Variants in TYW1 observed in about 807,000 individuals in gnomAD.
TYW1 encodes the protein S-adenosyl-L-methionine-dependent tRNA 4-demethylwyosine synthase TYW1.
A neutral mutation model predicts 96.2 loss-of-function variants in TYW1; 46 were observed. The observed-to-expected ratio is 0.48, with a 90% CI of 0.38 to 0.61. The LOEUF is 0.61. TYW1 is among the 20% of genes least tolerant of loss of function. The pLI is 0.00. For missense variants in TYW1, 684 were observed against 909.6 expected (o/e 0.75, Z 3.19); for synonymous variants, 274 against 323.0 (o/e 0.85, Z 1.63).
intron 13 of TYW1, among the ~76,000 whole-genome samples, chr7:67,140,676 C>T (rs1798421714): frequency 6.6e-6 from 1 of 152,134 alleles, no homozygotes; most frequent in Non-Finnish European, 1.5e-5. Flanking sequence ...GCTTCAGCCT[C>T]ATCTTTGAAG....
At chr7:67,118,385 A>G (rs1797660812) in intron 13 of TYW1, among the ~76,000 whole-genome samples, 1 of 152,030 alleles carries the variant, frequency 6.6e-6, no homozygotes, top group African/African-American at 2.4e-5. Flanking sequence ...CATAATCTAC[A>G]CTTATCTTCC....
At chr7:67,214,386 A>G (rs1405238972) in intron 15 of TYW1, among the ~76,000 whole-genome samples, 2 of 152,090 alleles carry the variant, frequency 1.3e-5, no homozygotes, top group Non-Finnish European at 2.9e-5. Context: ...TAGTTCCTAG[A>G]GGGCTTTGTT....
At chr7:67,193,855 T>TGA (rs1489901004) in intron 14 of TYW1, among the ~76,000 whole-genome samples, 9 of 149,604 alleles carry the variant, frequency 6.0e-5, no homozygotes, top group Non-Finnish European at 1.3e-4. Context: ...TGTGTGTTTG[T>TGA]GTGTGTGTGT....
intron 8 of TYW1, among the ~76,000 whole-genome samples, chr7:67,052,634 A>T (rs1411309363): frequency 6.6e-6 from 1 of 152,112 alleles, no homozygotes; most frequent in African/African-American, 2.4e-5. Context: ...TTTTTCCCTC[A>T]TTCGTCATGT....
chr7:67,101,061 T>C (rs1262663009), intron 12 of TYW1, among the ~76,000 whole-genome samples: 1 of 152,110 alleles, frequency 6.6e-6, no homozygotes, highest in Non-Finnish European at 1.5e-5. Flanking sequence ...GTTGTGCTTA[T>C]GTGGGAGGGA....
intron 13 of TYW1, among the ~76,000 whole-genome samples, chr7:67,158,592 C>T (rs148950351): frequency 2.0e-4 from 30 of 150,940 alleles, no homozygotes; most frequent in African/African-American, 3.2e-4. Flanking sequence ...TTTCTGGAGA[C>T]GGAGTCTTGC....
chr7:67,007,708 C>T (rs1399705611), intron 3 of TYW1, among the ~76,000 whole-genome samples: 1 of 152,068 alleles, frequency 6.6e-6, no homozygotes, highest in African/African-American at 2.4e-5. Flanking sequence ...GATCTCGGCT[C>T]ACTGCAACCT....
In TYW1 at chr7:67,117,530, C is replaced by T. The variant is rs750619047; in HGVS notation, c.1610C>T (p.Thr537Ile). ...CTGTATGTCAGTGTGGATGCCAGTACCAAAGACAGCCTGAAGAAAATCGAC... is the reference window on the plus strand; with the variant it reads ...CTGTATGTCAGTGTGGATGCCAGTATCAAAGACAGCCTGAAGAAAATCGAC... ...TQLYVSVDASTKDSLKKIDRP... is the reference protein window; with the variant it reads ...TQLYVSVDASIKDSLKKIDRP... Residue 537 changes from threonine to isoleucine, a missense_variant, in exon 13 of 16, where the codon ACC becomes ATC. Transcript: ENST00000359626. The T allele has an allele frequency of 2.5e-6, 4 of 1,613,970 alleles. No individual in the cohort carries two copies. The highest frequency in any genetic ancestry group is 1.1e-5 in the South Asian group (1 of 91,072).
chr7:67,180,388 A>T (rs1183660190), intron 13 of TYW1, among the ~76,000 whole-genome samples: 2 of 111,992 alleles, frequency 1.8e-5, no homozygotes, highest in African/African-American at 4.0e-5. Flanking sequence ...CTGTTGGTTT[A>T]TATATATATA....
At chr7:67,070,913 C>T (rs995625567) in intron 10 of TYW1, among the ~76,000 whole-genome samples, 7 of 151,968 alleles carry the variant, frequency 4.6e-5, no homozygotes, top group Admixed American at 3.9e-4. Context: ...GGGCAGCTCA[C>T]GAGATCAGGA....
intron 13 of TYW1, among the ~76,000 whole-genome samples, chr7:67,124,155 C>T (rs1292946011): frequency 4.6e-5 from 7 of 152,304 alleles, no homozygotes; most frequent in Admixed American, 6.5e-5. Context: ...TACTATACTG[C>T]ATTACATCTT....
chr7:67,053,142 T>C (rs1024544310), intron 8 of TYW1, among the ~76,000 whole-genome samples: 2 of 151,672 alleles, frequency 1.3e-5, no homozygotes, highest in Non-Finnish European at 2.9e-5. Context: ...ATATGAGCTT[T>C]ATATCTTACT....
chr7:67,057,400 CGTT>C (rs1277186637), intron 9 of TYW1, among the ~76,000 whole-genome samples: 7 of 150,700 alleles, frequency 4.6e-5, no homozygotes, highest in South Asian at 2.1e-4. Context: ...GACAGAGTCT[CGTT>C]GTCTCACCCA....
At chr7:67,059,727 G>C (rs967644584) in intron 9 of TYW1, among the ~76,000 whole-genome samples, 10 of 151,050 alleles carry the variant, frequency 6.6e-5, no homozygotes, top group African/African-American at 2.4e-4. Context: ...TTTTGATCAA[G>C]ATCTTTCTCA....
At chr7:67,102,512 G>A (rs1797115571) in intron 12 of TYW1, among the ~76,000 whole-genome samples, 1 of 152,204 alleles carries the variant, frequency 6.6e-6, no homozygotes. Context: ...AAAGGAGGAA[G>A]TAAGGTGGCA....
intron 9 of TYW1, among the ~76,000 whole-genome samples, chr7:67,064,930 A>G (rs1456225959): frequency 1.3e-5 from 2 of 152,256 alleles, no homozygotes; most frequent in Non-Finnish European, 2.9e-5. Flanking sequence ...CACCTTATAT[A>G]AAAATTAATT....
intron 13 of TYW1, among the ~76,000 whole-genome samples, chr7:67,155,797 G>A (rs972941452): frequency 2.0e-5 from 3 of 152,116 alleles, no homozygotes; most frequent in Admixed American, 2.0e-4. Flanking sequence ...CATCGTTCTT[G>A]TGTCCTTATC....
At chr7:67,130,793 T>G (rs1798049236) in intron 13 of TYW1, among the ~76,000 whole-genome samples, 1 of 152,232 alleles carries the variant, frequency 6.6e-6, no homozygotes, top group South Asian at 2.1e-4. Flanking sequence ...TTGGCAGCCT[T>G]CCCTAACTCC....
intron 11 of TYW1, among the ~76,000 whole-genome samples, chr7:67,087,134 GT>G (rs1031839257): frequency 2.0e-5 from 3 of 152,164 alleles, no homozygotes; most frequent in African/African-American, 7.2e-5. Flanking sequence ...TGACAGGAGC[GT>G]TTTTGCAAAT....
Sources: gnomAD v4.1 joint callset for allele counts (sites outside exome capture counted in the v4.1 genomes callset) on GRCh38, gnomAD v4.1.1 for gene constraint, MANE v1.5 for transcripts, NCBI Gene and HGNC (gene_info 2026-07-23, HGNC 2026-07-21) for gene names.